Variants in SUSD4 observed in about 807,000 individuals in gnomAD.
SUSD4 encodes the protein sushi domain-containing protein 4.
In SUSD4, 41 loss-of-function variants were observed where a neutral mutation model predicts 50.5. The observed-to-expected ratio is 0.81, with a 90% CI of 0.63 to 1.05. The LOEUF is 1.05. Among genes scored for constraint, SUSD4 ranks in the 50% least tolerant of loss-of-function variants. The pLI is 0.00. For missense variants in SUSD4, 580 were observed against 634.7 expected (o/e 0.91, Z 0.93); for synonymous variants, 257 against 257.3 (o/e 1.00, Z 0.01).
At chr1:223,234,941 G>C (rs367937525) in intron 5 of SUSD4, 1 of 1,568,438 alleles carries the variant, frequency 6.4e-7, no homozygotes, top group Admixed American at 2.2e-5. Flanking sequence ...TTTATTGCAG[G>C]AGAACAACAT....
intron 3 of SUSD4, among the ~76,000 whole-genome samples, chr1:223,281,494 T>C (rs1351310721): frequency 6.6e-6 from 1 of 152,064 alleles, no homozygotes; most frequent in African/African-American, 2.4e-5. Context: ...CTAGAAGAAA[T>C]GGATAAATTC....
At chr1:223,252,441 C>A (rs1486386375) in intron 5 of SUSD4, among the ~76,000 whole-genome samples, 2 of 151,520 alleles carry the variant, frequency 1.3e-5, no homozygotes, top group Non-Finnish European at 2.9e-5. Context: ...ACAGTAGAGT[C>A]CCCCACAGCT....
intron 5 of SUSD4, among the ~76,000 whole-genome samples, chr1:223,242,140 A>C (rs978970532): frequency 1.3e-5 from 2 of 152,086 alleles, no homozygotes; most frequent in African/African-American, 4.8e-5. Flanking sequence ...ACAGGGTTTC[A>C]CCATGATGCT....
rs976906037 is a variant in SUSD4 at position 223,265,211 on chromosome 1, G to A, written c.536-393C>T. ...CTCTGAGGACAGGTTGAGAATCACC[G>A]AGGTGCTGTAAGAGGAAAGAGACAC... On this transcript the variant is annotated intron_variant, in intron 4 of 8. Transcript: ENST00000366878. 3.3e-5 allele frequency among the ~76,000 whole-genome samples: 5 copies of A among 152,288 alleles called. No homozygotes were observed. In the East Asian group the frequency reaches 7.7e-4, roughly 24 times the overall value.
chr1:223,258,517 G>A (rs1241116511), intron 5 of SUSD4, among the ~76,000 whole-genome samples: 1 of 151,948 alleles, frequency 6.6e-6, no homozygotes. Flanking sequence ...AGATGAATGG[G>A]GCTGGGGGGA....
At chr1:223,242,165 ACTC>A (rs1660628903) in intron 5 of SUSD4, among the ~76,000 whole-genome samples, 1 of 151,904 alleles carries the variant, frequency 6.6e-6, no homozygotes, top group Admixed American at 6.6e-5. Flanking sequence ...CTGGTCTTGA[ACTC>A]CTAGGCTCAA....
intron 2 of SUSD4, among the ~76,000 whole-genome samples, chr1:223,292,941 A>G (rs555617303): frequency 6.6e-6 from 1 of 152,206 alleles, no homozygotes. Flanking sequence ...CAAGTGCCAC[A>G]AAAGATGTAC....
At chr1:223,289,289 A>G in intron 3 of SUSD4, 1 of 985,436 alleles carries the variant, frequency 1.0e-6, no homozygotes, top group Non-Finnish European at 1.2e-6. Flanking sequence ...TTGAAGAAGC[A>G]CAGACATCTC....
At chr1:223,256,392 T>C (rs988986414) in intron 5 of SUSD4, among the ~76,000 whole-genome samples, 2 of 152,112 alleles carry the variant, frequency 1.3e-5, no homozygotes, top group African/African-American at 2.4e-5. Flanking sequence ...TATCTGAAAA[T>C]AGAGGACAGT....
chr1:223,268,042 T>TATAC (rs869264392), intron 4 of SUSD4, among the ~76,000 whole-genome samples: 1 of 106,860 alleles, frequency 9.4e-6, no homozygotes, highest in Admixed American at 1.0e-4. Context: ...TATATATATA[T>TATAC]ACACACACAC....
intron 2 of SUSD4, among the ~76,000 whole-genome samples, chr1:223,362,781 G>A (rs554083849): frequency 6.6e-6 from 1 of 152,220 alleles, no homozygotes; most frequent in South Asian, 2.1e-4. Flanking sequence ...AAATAAACCT[G>A]CCCCGCAGCC....
At chr1:223,238,919 C>T (rs938081185) in intron 5 of SUSD4, among the ~76,000 whole-genome samples, 1 of 151,930 alleles carries the variant, frequency 6.6e-6, no homozygotes, top group African/African-American at 2.4e-5. Context: ...TGTCCATTTC[C>T]AATAAAGGTG....
chr1:223,300,630 T>A (rs1665129069), intron 2 of SUSD4, among the ~76,000 whole-genome samples: 1 of 151,798 alleles, frequency 6.6e-6, no homozygotes, highest in African/African-American at 2.4e-5. Flanking sequence ...TAAACTGCTA[T>A]ATGAGGCTTT....
At chr1:223,325,406 C>A (rs112970847) in intron 2 of SUSD4, among the ~76,000 whole-genome samples, 29 of 152,136 alleles carry the variant, frequency 1.9e-4, no homozygotes, top group African/African-American at 6.5e-4. Context: ...AAAGAAAATT[C>A]ATAATTCATA....
chr1:223,337,761 T>C (rs1667539273), intron 2 of SUSD4, among the ~76,000 whole-genome samples: 1 of 152,202 alleles, frequency 6.6e-6, no homozygotes. Flanking sequence ...GGGTGGCTTT[T>C]GTTCTCAAGA....
intron 5 of SUSD4, among the ~76,000 whole-genome samples, chr1:223,243,408 C>T (rs1174768250): frequency 6.6e-6 from 1 of 152,220 alleles, no homozygotes; most frequent in African/African-American, 2.4e-5. Flanking sequence ...GACTCAGAGC[C>T]ACCTTCTCCC....
intron 5 of SUSD4, among the ~76,000 whole-genome samples, chr1:223,252,254 T>C (rs1006874619): frequency 9.8e-5 from 14 of 142,368 alleles, no homozygotes; most frequent in Middle Eastern, 3.5e-3. Context: ...TATATATATA[T>C]AAAAGAAGAA....
chr1:223,250,202 A>G (rs1467679928), intron 5 of SUSD4, among the ~76,000 whole-genome samples: 1 of 152,206 alleles, frequency 6.6e-6, no homozygotes, highest in African/African-American at 2.4e-5. Flanking sequence ...TAATACCTAC[A>G]TTGCAGGAAA....
chr1:223,238,056 T>G (rs1468112014), intron 5 of SUSD4, among the ~76,000 whole-genome samples: 1 of 152,014 alleles, frequency 6.6e-6, no homozygotes, highest in Non-Finnish European at 1.5e-5. Flanking sequence ...GGTCTATTTC[T>G]TCTTGTGTGA....
Sources: allele counts gnomAD v4.1 joint callset (sites outside exome capture counted in the v4.1 genomes callset), GRCh38; gene constraint gnomAD v4.1.1; transcripts MANE v1.5; gene names NCBI Gene and HGNC (gene_info 2026-07-23, HGNC 2026-07-21).